Variants in KIF13B observed in about 807,000 individuals in gnomAD.
The protein encoded by KIF13B is kinesin-like protein KIF13B.
Under a neutral mutation model 222.0 loss-of-function variants are expected in KIF13B, and 127 were observed. That is an observed-to-expected ratio of 0.57 (90% confidence interval 0.50 to 0.66). The LOEUF is 0.66. KIF13B is among the 30% of genes least tolerant of loss of function. KIF13B has a pLI of 0.00. For synonymous variants in KIF13B, 976 were observed against 919.0 expected, an observed-to-expected ratio of 1.06 and a Z score of -1.12; for missense variants, 2,173 against 2,379.0, an observed-to-expected ratio of 0.91 and a Z score of 1.80.
intron 21 of KIF13B, among the ~76,000 whole-genome samples, chr8:29,138,891 C>T (rs184374572): frequency 3.5e-4 from 54 of 152,122 alleles, no homozygotes; most frequent in East Asian, 1.7e-3. Flanking sequence ...AGAAAACTGA[C>T]GATTTTAATA....
chr8:29,208,196 G>A (rs184137262), intron 2 of KIF13B, among the ~76,000 whole-genome samples: 2 of 152,220 alleles, frequency 1.3e-5, no homozygotes, highest in Admixed American at 1.3e-4. Flanking sequence ...ATCCTTTTTG[G>A]TGCTTAATGA....
rs1373630003 is a variant in KIF13B at position 29,155,789 on chromosome 8, T to C, written c.1472A>G (p.Glu491Gly). ...TGACGTGATGTCTATAATACAGTGT[T>C]CAGGAAGAATTCCCATGCCGCACAG... ...IQLCGMGILP[E>G]HCIIDITSEG... The change falls in exon 14 of 40, where the codon GAA becomes GGA. Residue 491 changes from glutamate to glycine, a missense_variant. Physicochemically the swap from Glu to Gly is moderately conservative, Grantham distance 98. Transcript: ENST00000524189. The C allele has an allele frequency of 1.3e-6, 2 of 1,598,764 alleles. No individual in the cohort carries two copies. The highest frequency in any genetic ancestry group is 1.7e-6 in the Non-Finnish European group (2 of 1,171,578).
intron 37 of KIF13B, among the ~76,000 whole-genome samples, chr8:29,082,931 C>T (rs982932407): frequency 3.9e-5 from 6 of 152,172 alleles, no homozygotes; most frequent in African/African-American, 1.2e-4. Context: ...TCAAGACCAG[C>T]CGGTGTGACA....
intron 2 of KIF13B, among the ~76,000 whole-genome samples, chr8:29,231,029 C>T (rs989024384): frequency 6.6e-6 from 1 of 152,012 alleles, no homozygotes; most frequent in African/African-American, 2.4e-5. Context: ...TACAGGCATG[C>T]ACCACCATGC....
chr8:29,160,727 C>A lies in KIF13B; in HGVS notation c.1404+6G>T. ...AAGAATCTAGTAGCAAAGCACATTA[C>A]TTCACCTTTAAATAGTACACCAGAA... On this transcript the variant is annotated splice_donor_region_variant and intron_variant, in intron 13 of 39. Transcript: ENST00000524189. 6.2e-7 allele frequency: 1 copy of A among 1,610,262 alleles called. No individual in the cohort carries two copies. Among genetic ancestry groups the A allele is most frequent in the South Asian group, 1.1e-5 (1 of 90,262 alleles).
At position 29,073,339 on chromosome 8, in the gene KIF13B, A is replaced by T. The variant is rs1342621338; in HGVS notation, c.4522-1023T>A. Among the ~76,000 whole-genome samples the T allele has an allele frequency of 3.9e-5, 6 of 152,236 alleles. No homozygotes were observed. The East Asian group carries it at 1.2e-3, about 29-fold the overall frequency. ...CCAAGTGAGGCCAGCAGCTCTCCTCATGTCGGTCACTCTGTCTGAGTCACC... is the reference window on the plus strand; with the variant it reads ...CCAAGTGAGGCCAGCAGCTCTCCTCTTGTCGGTCACTCTGTCTGAGTCACC... On this transcript the variant is annotated intron_variant, in intron 38 of 39. Transcript: ENST00000524189.
intron 31 of KIF13B, among the ~76,000 whole-genome samples, chr8:29,113,772 C>T (rs563861836): frequency 2.0e-5 from 3 of 152,346 alleles, no homozygotes; most frequent in South Asian, 2.1e-4. Flanking sequence ...ACAGGTCCTA[C>T]ACCCAACATA....
intron 2 of KIF13B, among the ~76,000 whole-genome samples, chr8:29,225,114 G>A (rs1814961479): frequency 6.6e-6 from 1 of 152,200 alleles, no homozygotes; most frequent in Admixed American, 6.5e-5. Flanking sequence ...TATGTCACAA[G>A]GTCTTTGTTG....
intron 1 of KIF13B, among the ~76,000 whole-genome samples, chr8:29,258,241 G>C (rs1329646517): frequency 6.6e-6 from 1 of 152,106 alleles, no homozygotes; most frequent in African/African-American, 2.4e-5. Context: ...CACTTGCTGG[G>C]TTTTTCCTTT....
intron 36 of KIF13B, among the ~76,000 whole-genome samples, chr8:29,096,803 CAA>C (rs1176955660): frequency 6.6e-6 from 1 of 151,712 alleles, no homozygotes; most frequent in Non-Finnish European, 1.5e-5. Context: ...GGTTTCTGAG[CAA>C]AGACTTTAGC....
chr8:29,192,059 C>A (rs760854280), intron 3 of KIF13B, among the ~76,000 whole-genome samples: 1 of 152,160 alleles, frequency 6.6e-6, no homozygotes, highest in Non-Finnish European at 1.5e-5. Flanking sequence ...TTTTTCCTCT[C>A]CTGATGGCCA....
rs1447655988 is a variant in KIF13B at position 29,230,529 on chromosome 8, C to A, written c.149+14817G>T. ...GCAAGAGAATCCCTGAGGACACAGA[C>A]AAGGGCATGCGAGAGGACGTCTTAG... On this transcript the variant is annotated intron_variant, in intron 2 of 39. Transcript: ENST00000524189. 2.0e-5 allele frequency among the ~76,000 whole-genome samples: 3 copies of A among 152,278 alleles called. No individual in the cohort carries two copies. The South Asian group carries it at 6.2e-4, about 32-fold the overall frequency.
intron 13 of KIF13B, among the ~76,000 whole-genome samples, chr8:29,156,444 G>C (rs1811528562): frequency 6.6e-6 from 1 of 152,022 alleles, no homozygotes; most frequent in African/African-American, 2.4e-5. Flanking sequence ...CCACCCTAGA[G>C]CTACATACTT....
intron 37 of KIF13B, among the ~76,000 whole-genome samples, chr8:29,076,596 G>A (rs1807571251): frequency 6.6e-6 from 1 of 152,210 alleles, no homozygotes; most frequent in Non-Finnish European, 1.5e-5. Flanking sequence ...TCCCGAAGAA[G>A]CCAGCCCGCT....
Position 29,124,037 on chromosome 8 carries a change from A to G in KIF13B, c.3339T>C (p.Leu1113=). The G allele has an allele frequency of 6.2e-7, 1 of 1,606,124 alleles. No homozygotes were observed. Among genetic ancestry groups the G allele is most frequent in the Non-Finnish European group, 8.5e-7 (1 of 1,173,576 alleles). Residue 1113 remains leucine, a synonymous_variant, in exon 27 of 40, where the codon CTT becomes CTC. Coordinates refer to ENST00000524189, the MANE Select transcript of KIF13B (RefSeq NM_015254.4). ...TGTTTTTCCTACCACGTTTACTGAC[A>G]AGCTTTTGCAATTGTTGATCCAAGT... is the stretch of plus-strand genomic sequence containing the variant. ...QEYLDQQLQK[L]VSKRDKTEDD...
At position 29,070,853 on chromosome 8, in the gene KIF13B, C is replaced by T; in HGVS notation, c.5219-87G>A. ...CCCTTACCTCTGCAGAGGCCATGTG[C>T]CCACACTGCCACCCCCCCGCACAGG... On this transcript the variant is annotated intron_variant, in intron 39 of 39. Coordinates refer to ENST00000524189, the MANE Select transcript of KIF13B (RefSeq NM_015254.4). The surrounding 1 kb of genome is among the most constrained non-coding windows in gnomAD (Gnocchi z 4.1). 5 of 1,398,296 alleles carry T rather than the reference C, an allele frequency of 3.6e-6. No homozygotes were observed. In the South Asian group the frequency reaches 6.3e-5, roughly 18 times the overall value. 86.6% of individuals were successfully genotyped at this position (1,398,296 alleles called of 1,614,324 possible). A position where few individuals can be genotyped will look rare whatever the true frequency, so the allele number is the denominator to read the frequency against.
In KIF13B at chr8:29,070,427, T is replaced by C. The variant is rs1231222564; in HGVS notation, c.*77A>G. The C allele has an allele frequency of 5.2e-6, 8 of 1,538,540 alleles. No individual in the cohort carries two copies. The Admixed American group carries it at 1.5e-4, about 29-fold the overall frequency. ...CCTGGGGAAGGGGCCACCGGGCTCC[T>C]GGCTCCTCAGGGCTGTCACTGGCAG... On this transcript the variant is annotated 3_prime_UTR_variant, in exon 40 of 40. Coordinates refer to ENST00000524189, the MANE Select transcript of KIF13B (RefSeq NM_015254.4). This position sits in a 1 kb window ranked among gnomAD's most constrained non-coding sequence, Gnocchi z 4.1.
intron 24 of KIF13B, among the ~76,000 whole-genome samples, chr8:29,127,611 G>A (rs1293421438): frequency 1.3e-5 from 2 of 152,144 alleles, no homozygotes; most frequent in African/African-American, 4.8e-5. Context: ...TGACACACCT[G>A]TATTTTCACT....
At chr8:29,185,829 T>C (rs1812900006) in intron 6 of KIF13B, among the ~76,000 whole-genome samples, 1 of 152,232 alleles carries the variant, frequency 6.6e-6, no homozygotes, top group African/African-American at 2.4e-5. Flanking sequence ...CGAAAAACTC[T>C]GTGGAATGAA....
Sources: gnomAD v4.1 joint callset for allele counts (sites outside exome capture counted in the v4.1 genomes callset) on GRCh38, gnomAD v4.1.1 for gene constraint, Gnocchi (gnomAD v3.1) non-coding constraint, MANE v1.5 for transcripts, NCBI Gene and HGNC (gene_info 2026-07-23, HGNC 2026-07-21) for gene names.